Variants in RELCH observed in about 807,000 individuals in gnomAD.
RELCH encodes the protein RAB11 binding and LisH domain, coiled-coil and HEAT repeat containing.
Under a neutral mutation model 150.3 loss-of-function variants are expected in RELCH, and 41 were observed. The observed-to-expected ratio is 0.27, with a 90% CI of 0.21 to 0.35. The LOEUF is 0.35. Among genes scored for constraint, RELCH ranks in the 10% least tolerant of loss-of-function variants. The probability of loss-of-function intolerance (pLI) is 1.00; values close to 1 mark genes in which losing one functional copy is unlikely to be tolerated. For synonymous variants in RELCH, 478 were observed against 531.8 expected, an observed-to-expected ratio of 0.90 and a Z score of 1.39; for missense variants, 1,092 against 1,467.8, an observed-to-expected ratio of 0.74 and a Z score of 4.18.
At chr18:62,211,041 C>G (rs2040127991) in intron 1 of RELCH, 112 bp from the exon 2 acceptor site, 1 of 564,106 alleles carries the variant, frequency 1.8e-6, no homozygotes, top group East Asian at 3.1e-5. Flanking sequence ...AAAAGAATTC[C>G]TGGATCTTAG....
intron 24 of RELCH, 24 bp downstream of exon 24, chr18:62,280,733 A>G (rs1186572013): frequency 1.0e-5 from 15 of 1,449,832 alleles, no homozygotes; most frequent in Non-Finnish European, 1.4e-5. Flanking sequence ...AAATTTATTT[A>G]TGTCTGTGTA....
chr18:62,200,979 T>C (rs1599793595), intron 1 of RELCH, among the ~76,000 whole-genome samples: 1 of 122,706 alleles, frequency 8.1e-6, no homozygotes, highest in Admixed American at 8.0e-5. Flanking sequence ...TTTTTTTTTT[T>C]TTTTTTTTTT....
chr18:62,197,854 T>C (rs77119483), intron 1 of RELCH, among the ~76,000 whole-genome samples: 4,498 of 152,292 alleles, frequency 0.03, 213 homozygotes, highest in African/African-American at 0.1. Flanking sequence ...TTTTGACTGA[T>C]AAAACAACAC....
intron 1 of RELCH, among the ~76,000 whole-genome samples, chr18:62,199,644 C>G (rs1392801461): frequency 6.6e-6 from 1 of 152,182 alleles, no homozygotes; most frequent in Admixed American, 6.5e-5. Flanking sequence ...TCTGTCTGAG[C>G]AAGATTCCAT....
At position 62,213,942 on chromosome 18, in the gene RELCH, G is replaced by A. The variant is rs373001616; in HGVS notation, c.616+2700G>A. The stretch of plus-strand genomic sequence containing the variant: ...CTAAATGCTTTTTGAGAGACAATGA[G>A]CAAAGGGTAGTGGACCTGGATAAGC... On this transcript the variant is annotated intron_variant, in intron 2 of 28. Transcript: ENST00000644646. Among the ~76,000 whole-genome samples the A allele has an allele frequency of 1.5e-4, 23 of 151,980 alleles. 2 individuals carry two copies. The highest frequency in any genetic ancestry group is 5.5e-4 in the African/African-American group (23 of 41,456).
rs2041352427 is a variant in RELCH at position 62,228,490 on chromosome 18, C to T, written c.1340C>T (p.Thr447Ile). 15 of 1,613,254 alleles carry T rather than the reference C, an allele frequency of 9.3e-6. No homozygotes were observed. The highest frequency in any genetic ancestry group is 1.3e-5 in the Non-Finnish European group (15 of 1,179,558). ...TCAATATCAGATGAAGCTGATTCCA[C>T]TATTCCTAAAGAGAATTCCCCAAAT... The part of the protein sequence containing the change: ...HLSISDEADS[T>I]IPKENSPNSF... Residue 447 changes from threonine to isoleucine, a missense_variant, in exon 8 of 29, where the codon ACT becomes ATT. Transcript: ENST00000644646.
At position 62,187,461 on chromosome 18, in the gene RELCH, C is replaced by G. The variant is rs1191644685; in HGVS notation, c.-45C>G. 2.0e-6 allele frequency: 3 copies of G among 1,487,084 alleles called. No individual in the cohort carries two copies. Among genetic ancestry groups the G allele is most frequent in the South Asian group, 1.5e-5 (1 of 68,548 alleles). The allele number at this position is 1,487,084 out of a possible 1,614,324, so 92.1% of individuals were successfully genotyped here. ...GGCCTAGAGGATTCGGGCTGCGGCC[C>G]GTCGGAACCAGTCAGGGAGGCGCCC... is the stretch of plus-strand genomic sequence containing the variant. On this transcript the variant is annotated 5_prime_UTR_variant, in exon 1 of 29. Coordinates refer to ENST00000644646, the MANE Select transcript of RELCH (RefSeq NM_001346231.2).
chr18:62,261,953 G>A (rs17718384), intron 16 of RELCH, among the ~76,000 whole-genome samples: 40,652 of 151,612 alleles, frequency 0.27, 5,940 homozygotes, highest in Middle Eastern at 0.44. Flanking sequence ...ATTTCCTTCC[G>A]TTAATAGATC....
At chr18:62,190,555 C>T (rs150624885) in intron 1 of RELCH, among the ~76,000 whole-genome samples, 1,732 of 151,974 alleles carry the variant, frequency 0.011, 44 homozygotes, top group Non-Finnish European at 0.012. Context: ...CCAGCCTGGG[C>T]GACAGAGCAA....
At chr18:62,301,206 A>T (rs995959559) in intron 28 of RELCH, among the ~76,000 whole-genome samples, 1 of 152,200 alleles carries the variant, frequency 6.6e-6, no homozygotes, top group Non-Finnish European at 1.5e-5. Context: ...TGGGAACTGT[A>T]AGTAAAGCTA....
chr18:62,269,145 T>G (rs1051792213), intron 20 of RELCH, among the ~76,000 whole-genome samples, 197 bp downstream of exon 20: 1 of 152,040 alleles, frequency 6.6e-6, no homozygotes, highest in Non-Finnish European at 1.5e-5. Context: ...ACAAATAAAT[T>G]TAGAGATTAT....
chr18:62,267,529 T>TAC, intron 19 of RELCH, among the ~76,000 whole-genome samples: 1 of 150,068 alleles, frequency 6.7e-6, no homozygotes. Context: ...TATACATATA[T>TAC]ATATATACAC....
rs555472860 is a variant in RELCH, at chr18:62,275,303, C to T, written c.2868-71C>T. 214 of 662,616 alleles carry T rather than the reference C, an allele frequency of 3.2e-4. 1 individual carries two copies. The African/African-American group carries it at 3.5e-3, about 11-fold the overall frequency. The allele number at this position is 662,616 out of a possible 1,614,324, so 41.0% of individuals were successfully genotyped here. A position where few individuals can be genotyped will look rare whatever the true frequency, so the allele number is the denominator to read the frequency against. On this transcript the variant is annotated intron_variant, in intron 21 of 28. Transcript: ENST00000644646. ...TATCATTAATATTCCTTATAAATAT[C>T]GTGTTTTTCAGTTCACTAGTAAGGG...
At chr18:62,194,202 A>G (rs1162171855) in intron 1 of RELCH, among the ~76,000 whole-genome samples, 2 of 152,136 alleles carry the variant, frequency 1.3e-5, no homozygotes, top group African/African-American at 2.4e-5. Context: ...GAGCCATGAT[A>G]CCACTGCACT....
At chr18:62,213,728 T>TCA (rs2040312823) in intron 2 of RELCH, among the ~76,000 whole-genome samples, 1 of 18,958 alleles carries the variant, frequency 5.3e-5, no homozygotes, top group Non-Finnish European at 1.1e-4. Flanking sequence ...AGACTCAGTC[T>TCA]CAAAAAAAAA....
Position 62,221,065 on chromosome 18 carries a change from G to A in RELCH, c.645G>A (p.Lys215=). 1 of 1,613,440 alleles carries A rather than the reference G, an allele frequency of 6.2e-7. No individual in the cohort carries two copies. Among genetic ancestry groups the A allele is most frequent in the Non-Finnish European group, 8.5e-7 (1 of 1,179,608 alleles). Residue 215 remains lysine (K), a synonymous_variant, in exon 3 of 29, where the codon AAG becomes AAA. Coordinates refer to ENST00000644646, the MANE Select transcript of RELCH (RefSeq NM_001346231.2). ...TGGAGTTTGAACTACGGAAAGCCAA[G>A]GAGACCATTCAGGCCCTCCGAGCCA... ...AVLEFELRKA[K]ETIQALRANL...
intron 19 of RELCH, among the ~76,000 whole-genome samples, chr18:62,267,580 T>G (rs56114958): frequency 0.16 from 24,447 of 150,744 alleles, 2,690 homozygotes; most frequent in Middle Eastern, 0.28. Context: ...GAAAACACCA[T>G]TTTTGGCAGT....
At chr18:62,208,163 CCTT>C (rs1215417454) in intron 1 of RELCH, among the ~76,000 whole-genome samples, 2 of 151,884 alleles carry the variant, frequency 1.3e-5, no homozygotes, top group African/African-American at 4.8e-5. Context: ...GAGCATCTCT[CCTT>C]CATTCATTGG....
chr18:62,271,861 T>C lies in RELCH; in HGVS notation c.2761-2119T>C, dbSNP rs562542724. 2.0e-5 allele frequency among the ~76,000 whole-genome samples: 3 copies of C among 152,346 alleles called. No individual in the cohort carries two copies. The East Asian group carries it at 5.8e-4, about 29-fold the overall frequency. The stretch of plus-strand genomic sequence containing the variant: ...AAATAGGGAATCCTTTCCCCATTTC[T>C]TGTTTTTGTCAGGTTTGTCAAAGAT... On this transcript the variant is annotated intron_variant, in intron 20 of 28. Transcript: ENST00000644646.
Sources: gnomAD v4.1 joint callset for allele counts (sites outside exome capture counted in the v4.1 genomes callset) on GRCh38, gnomAD v4.1.1 for gene constraint, MANE v1.5 for transcripts, NCBI Gene and HGNC (gene_info 2026-07-23, HGNC 2026-07-21) for gene names.